EML5: variants seen among roughly 807,000 people sequenced by gnomAD.
EML5 encodes the protein EMAP like 5.
EML5 carries 120 observed loss-of-function variants against 250.0 expected under a neutral mutation model. The ratio of observed to expected loss-of-function variants is 0.48; its 90% confidence interval spans 0.41 to 0.56. The LOEUF is 0.56. EML5 is among the 20% of genes least tolerant of loss of function. The pLI is 0.00. For missense variants in EML5, 2,006 were observed against 2,437.6 expected (o/e 0.82, Z 3.73); for synonymous variants, 771 against 806.5 (o/e 0.96, Z 0.75).
chr14:88,778,530 T>C (rs980636373), intron 1 of EML5, among the ~76,000 whole-genome samples: 1 of 152,166 alleles, frequency 6.6e-6, no homozygotes, highest in Non-Finnish European at 1.5e-5. Flanking sequence ...CCAGTAATCC[T>C]AGAACTTTGG....
chr14:88,694,528 T>C, intron 16 of EML5, 121 bp from the exon 17 acceptor site: 1 of 685,676 alleles, frequency 1.5e-6, no homozygotes, highest in South Asian at 1.9e-5. Flanking sequence ...CACTTATCTC[T>C]CAGGTTTGGG....
chr14:88,790,618 T>C (rs775290582), intron 1 of EML5, among the ~76,000 whole-genome samples: 18 of 152,136 alleles, frequency 1.2e-4, no homozygotes, highest in Non-Finnish European at 2.5e-4. Context: ...GACCTCAAAA[T>C]CCTTCACATT....
intron 21 of EML5, among the ~76,000 whole-genome samples, chr14:88,666,620 G>T (rs34173550): frequency 0.18 from 27,856 of 151,898 alleles, 3,072 homozygotes; most frequent in East Asian, 0.47. Context: ...TATATGAAAT[G>T]ATATTTTTAT....
At chr14:88,679,149 G>C (rs2092662806) in intron 21 of EML5, among the ~76,000 whole-genome samples, 2 of 148,916 alleles carry the variant, frequency 1.3e-5, no homozygotes, top group African/African-American at 5.0e-5. Context: ...ACTGGATTTA[G>C]AGCCCAACCA....
At chr14:88,648,322 TTTC>T (rs2091452103) in intron 28 of EML5, among the ~76,000 whole-genome samples, 1 of 152,138 alleles carries the variant, frequency 6.6e-6, no homozygotes, top group African/African-American at 2.4e-5. Context: ...TCCATTTAGT[TTTC>T]TTGTTTTGAA....
At chr14:88,743,461 A>C (rs1264050139) in intron 4 of EML5, among the ~76,000 whole-genome samples, 7 of 152,074 alleles carry the variant, frequency 4.6e-5, no homozygotes, top group Non-Finnish European at 2.9e-5. Context: ...GAAAAGCAAC[A>C]CTTTCAGAAA....
At position 88,740,488 on chromosome 14, in the gene EML5, C is replaced by T; in HGVS notation, c.610G>A (p.Ala204Thr). ...TGDLQTILCL[A>T]CARDELTYSG... ...TATGTTAATTCATCCCTTGCACAGG[C>T]TAGGCACAGTATTGTCTGAAGGTCA... Residue 204 changes from alanine (A) to threonine (T), a missense_variant, in exon 5 of 44, where the codon GCC (alanine) becomes ACC (threonine). Ala to Thr is a moderately conservative substitution (Grantham distance 58, BLOSUM62 0). Coordinates refer to ENST00000554922, the MANE Select transcript of EML5 (RefSeq NM_183387.3). The T allele has an allele frequency of 6.2e-7, 1 of 1,613,862 alleles. No homozygotes were observed. Among genetic ancestry groups the T allele is most frequent in the East Asian group, 2.2e-5 (1 of 44,860 alleles).
chr14:88,672,049 A>C (rs2092476800), intron 21 of EML5, among the ~76,000 whole-genome samples: 1 of 152,306 alleles, frequency 6.6e-6, no homozygotes, highest in Admixed American at 6.5e-5. Context: ...GATCAAGCGG[A>C]CCTGATAGAT....
At chr14:88,752,322 A>G (rs551159332) in intron 2 of EML5, among the ~76,000 whole-genome samples, 1 of 152,340 alleles carries the variant, frequency 6.6e-6, no homozygotes, top group East Asian at 1.9e-4. Context: ...CTTGAATTTC[A>G]TAACACCTTA....
intron 33 of EML5, among the ~76,000 whole-genome samples, chr14:88,631,034 G>A (rs999259352): frequency 2.0e-5 from 3 of 152,098 alleles, no homozygotes; most frequent in Non-Finnish European, 4.4e-5. Context: ...GTTATTTGAT[G>A]GGCAACTGCC....
chr14:88,683,276 G>A (rs1469579735), intron 20 of EML5, among the ~76,000 whole-genome samples: 1 of 152,162 alleles, frequency 6.6e-6, no homozygotes, highest in African/African-American at 2.4e-5. Context: ...GGAGGAGCCT[G>A]CCTGGAGTCA....
intron 3 of EML5, among the ~76,000 whole-genome samples, chr14:88,745,141 T>A (rs1402903180): frequency 7.2e-6 from 1 of 139,348 alleles, no homozygotes; most frequent in African/African-American, 2.9e-5. Context: ...ATATCCAACA[T>A]TTTAATAATG....
rs1372758691 is a variant in EML5 at position 88,613,115 on chromosome 14, GAAGA to G, written c.*2699_*2702del. 4 of 152,306 alleles carry G rather than the reference GAAGA, an allele frequency of 2.6e-5. No homozygotes were observed. In the East Asian group the frequency reaches 7.7e-4, roughly 29 times the overall value. 9.4% of individuals were successfully genotyped at this position (152,306 alleles called of 1,614,324 possible). ...TGTTGCCATTGCTTTTCCATTGGGA[GAAGA>G]AAGAATTAACCAGTCATTAAACCAT... is the stretch of plus-strand genomic sequence containing the variant. On this transcript the variant is annotated 3_prime_UTR_variant, in exon 44 of 44. Transcript: ENST00000554922.
In EML5 at chr14:88,621,380, T is replaced by C. The variant is rs773269097; in HGVS notation, c.5014-79A>G. 1.2e-5 allele frequency: 19 copies of C among 1,552,516 alleles called. No individual in the cohort carries two copies. The Admixed American group carries it at 3.1e-4, about 25-fold the overall frequency. On this transcript the variant is annotated intron_variant, in intron 37 of 43. Transcript: ENST00000554922. ...TCTTCATAATATAAAAATGACCCTA[T>C]TGACCTGCTTTCAGAGAACTTTTTG...
At chr14:88,634,267 T>C (rs1048484032) in intron 33 of EML5, among the ~76,000 whole-genome samples, 19 of 152,214 alleles carry the variant, frequency 1.2e-4, no homozygotes, top group Admixed American at 1.2e-3. Flanking sequence ...TCCACCATGA[T>C]TGTAAATTTC....
intron 33 of EML5, among the ~76,000 whole-genome samples, chr14:88,633,909 C>A (rs2090578911): frequency 6.6e-6 from 1 of 151,838 alleles, no homozygotes; most frequent in Non-Finnish European, 1.5e-5. Flanking sequence ...CCATGCTTGT[C>A]CAAAAAAAAC....
chr14:88,782,801 C>T (rs530102912), intron 1 of EML5, among the ~76,000 whole-genome samples: 5 of 152,274 alleles, frequency 3.3e-5, no homozygotes, highest in Admixed American at 2.0e-4. Context: ...ATGCCTGGAT[C>T]GGGCACGGTG....
At chr14:88,633,420 A>G (rs1340821636) in intron 33 of EML5, among the ~76,000 whole-genome samples, 1 of 152,034 alleles carries the variant, frequency 6.6e-6, no homozygotes, top group African/African-American at 2.4e-5. Flanking sequence ...CCCACCTGTC[A>G]TCTCATTTGA....
intron 2 of EML5, among the ~76,000 whole-genome samples, chr14:88,751,752 A>T (rs1481457639): frequency 1.3e-5 from 2 of 152,188 alleles, no homozygotes; most frequent in Non-Finnish European, 2.9e-5. Context: ...AGAAGCAGAC[A>T]AGGAAAGACT....
Sources: allele counts gnomAD v4.1 joint callset (sites outside exome capture counted in the v4.1 genomes callset), GRCh38; gene constraint gnomAD v4.1.1; transcripts MANE v1.5; gene names NCBI Gene and HGNC (gene_info 2026-07-23, HGNC 2026-07-21).